The following MTREX variants were observed in gnomAD, a reference collection of about 807,000 sequenced individuals.
MTREX encodes the protein exosome RNA helicase MTR4.
Under a neutral mutation model 135.4 loss-of-function variants are expected in MTREX, and 76 were observed. That is an observed-to-expected ratio of 0.56 (90% CI 0.47 to 0.68). MTREX has a LOEUF of 0.68. Ranked by LOEUF, MTREX falls within the 30% of genes least tolerant of loss-of-function variation. The pLI is 0.00. For synonymous variants in MTREX, 404 were observed against 401.6 expected (o/e 1.01, Z -0.07); for missense variants, 920 against 1,262.1 (o/e 0.73, Z 4.11).
chr5:55,347,564 T>C (rs186758914), intron 11 of MTREX, among the ~76,000 whole-genome samples: 21 of 152,352 alleles, frequency 1.4e-4, no homozygotes, highest in Non-Finnish European at 2.5e-4. Flanking sequence ...TTTGCTTAAC[T>C]ATTTTGTAAT....
intron 18 of MTREX, among the ~76,000 whole-genome samples, chr5:55,380,643 A>G (rs1487518803): frequency 6.6e-6 from 1 of 152,072 alleles, no homozygotes; most frequent in Non-Finnish European, 1.5e-5. Flanking sequence ...GTCATGATAT[A>G]TTATTTTCTT....
At chr5:55,372,451 T>A (rs1423605660) in intron 16 of MTREX, among the ~76,000 whole-genome samples, 1 of 151,494 alleles carries the variant, frequency 6.6e-6, no homozygotes, top group East Asian at 1.9e-4. Flanking sequence ...CTGTTTACCA[T>A]GAGCTATACT....
chr5:55,406,536 C>T (rs1422050607), intron 22 of MTREX, among the ~76,000 whole-genome samples: 4 of 152,130 alleles, frequency 2.6e-5, no homozygotes, highest in African/African-American at 9.7e-5. Flanking sequence ...TATCATACAC[C>T]ATCATTTCCA....
At chr5:55,314,362 T>C (rs763261687) in intron 1 of MTREX, among the ~76,000 whole-genome samples, 6 of 152,228 alleles carry the variant, frequency 3.9e-5, no homozygotes, top group Admixed American at 2.6e-4. Flanking sequence ...ATGGAGTTCA[T>C]GCTGCTAATC....
Position 55,378,351 on chromosome 5 carries a change from A to G in MTREX, c.1848A>G (p.Val616=), listed in dbSNP as rs752084056. The change falls in exon 17 of 27, where the codon GTA becomes GTG. Residue 616 remains valine (V), a synonymous_variant. Coordinates refer to ENST00000230640, the MANE Select transcript of MTREX (RefSeq NM_015360.5). ...CAGAAGAACAGTATAATAAAATAGTAATTCCCAATGAAGAAAGTGTGGTTA... is the reference window on the plus strand; with the variant it reads ...CAGAAGAACAGTATAATAAAATAGTGATTCCCAATGAAGAAAGTGTGGTTA... ...KNSEEQYNKI[V]IPNEESVVIY... 1.2e-6 allele frequency: 2 copies of G among 1,607,590 alleles called. No homozygotes were observed. Among genetic ancestry groups the G allele is most frequent in the South Asian group, 1.1e-5 (1 of 88,808 alleles).
chr5:55,420,927 T>G (rs1462991200), intron 25 of MTREX, among the ~76,000 whole-genome samples: 1 of 152,200 alleles, frequency 6.6e-6, no homozygotes, highest in East Asian at 1.9e-4. Flanking sequence ...GTAACTGACT[T>G]GTATACTTTA....
chr5:55,367,442 C>T (rs1408612098), intron 16 of MTREX, among the ~76,000 whole-genome samples: 2 of 150,120 alleles, frequency 1.3e-5, no homozygotes, highest in Non-Finnish European at 3.0e-5. Flanking sequence ...GCCAAGATTG[C>T]ACCACTGCAC....
In MTREX at chr5:55,397,407, T is replaced by C. The variant is rs765889568; in HGVS notation, c.2182-9T>C. On this transcript the variant is annotated splice_polypyrimidine_tract_variant and intron_variant, in intron 19 of 26. Coordinates refer to ENST00000230640, the MANE Select transcript of MTREX (RefSeq NM_015360.5). Reference sequence around the variant, plus strand: ...TTAACTGTAATACTGTATAACTTTTTGGTCATAGGTTGTCCCAGTTTTGGT... The same window carrying C: ...TTAACTGTAATACTGTATAACTTTTCGGTCATAGGTTGTCCCAGTTTTGGT... The C allele has an allele frequency of 8.9e-6, 14 of 1,580,212 alleles. No individual in the cohort carries two copies. The highest frequency in any genetic ancestry group is 8.5e-5 in the Admixed American group (5 of 58,584).
chr5:55,405,696 G>A (rs1750793584), intron 22 of MTREX, 108 bp downstream of exon 22: 2 of 878,772 alleles, frequency 2.3e-6, no homozygotes, highest in African/African-American at 3.4e-5. Context: ...AGGCTGGAGT[G>A]CACTGGCGCA....
At chr5:55,371,691 T>C (rs1750206158) in intron 16 of MTREX, among the ~76,000 whole-genome samples, 1 of 152,228 alleles carries the variant, frequency 6.6e-6, no homozygotes, top group Non-Finnish European at 1.5e-5. Context: ...CATTAATTTA[T>C]GTATTTGTTT....
At chr5:55,316,289 G>T (rs1422707281) in intron 1 of MTREX, among the ~76,000 whole-genome samples, 1 of 152,078 alleles carries the variant, frequency 6.6e-6, no homozygotes, top group Non-Finnish European at 1.5e-5. Context: ...TATTATGTGA[G>T]GCCAGCATCA....
intron 11 of MTREX, among the ~76,000 whole-genome samples, chr5:55,347,473 T>C (rs1352484528): frequency 1.3e-5 from 2 of 152,218 alleles, no homozygotes; most frequent in Non-Finnish European, 2.9e-5. Flanking sequence ...AGGGTAGGTC[T>C]CATAGCTTGG....
chr5:55,317,885 A>G (rs1275893048), intron 1 of MTREX, among the ~76,000 whole-genome samples: 2 of 152,246 alleles, frequency 1.3e-5, no homozygotes, highest in East Asian at 1.9e-4. Flanking sequence ...GCATTTGACA[A>G]AGGTCTAATA....
chr5:55,366,737 C>T lies in MTREX; in HGVS notation c.1672C>T (p.Pro558Ser), dbSNP rs1750111249. Reference protein sequence around the residue: ...GKQLLKGSADPLNSAFHLTYN... With the variant: ...GKQLLKGSADSLNSAFHLTYN... Reference sequence around the variant, plus strand: ...TTTTCTCTCTTAGGGCTCCGCTGATCCTCTAAATAGTGCTTTCCATTTGAC... The same window carrying T: ...TTTTCTCTCTTAGGGCTCCGCTGATTCTCTAAATAGTGCTTTCCATTTGAC... Residue 558 changes from proline to serine, a missense_variant, in exon 16 of 27, where the codon CCT (proline) becomes TCT (serine). This residue lies in a region of MTREX where 467 missense variants were observed against 589.7 expected (regional missense o/e 0.79). Coordinates refer to ENST00000230640, the MANE Select transcript of MTREX (RefSeq NM_015360.5). The T allele has an allele frequency of 6.3e-7, 1 of 1,588,158 alleles. No homozygotes were observed. Among genetic ancestry groups the T allele is most frequent in the Admixed American group, 1.8e-5 (1 of 56,104 alleles).
At chr5:55,366,057 T>C (rs1750099044) in intron 15 of MTREX, among the ~76,000 whole-genome samples, 2 of 152,116 alleles carry the variant, frequency 1.3e-5, no homozygotes, top group African/African-American at 4.8e-5. Context: ...AGGAACTATT[T>C]TGGGTATAAA....
intron 25 of MTREX, among the ~76,000 whole-genome samples, chr5:55,419,093 C>G (rs1751016233): frequency 6.6e-6 from 1 of 152,208 alleles, no homozygotes; most frequent in African/African-American, 2.4e-5. Flanking sequence ...GATCCACCTG[C>G]TTCAGCCTCC....
At chr5:55,308,981 TTAA>T (rs1749045606) in intron 1 of MTREX, among the ~76,000 whole-genome samples, 2 of 152,102 alleles carry the variant, frequency 1.3e-5, no homozygotes, top group Non-Finnish European at 2.9e-5. Context: ...CAGGTACCCA[TTAA>T]AGAGTTACAG....
chr5:55,352,564 CT>C (rs368830944), intron 13 of MTREX, among the ~76,000 whole-genome samples: 44 of 152,268 alleles, frequency 2.9e-4, no homozygotes, highest in African/African-American at 9.4e-4. Flanking sequence ...TATACTACCC[CT>C]ATTATATAAT....
intron 6 of MTREX, among the ~76,000 whole-genome samples, chr5:55,340,683 G>A (rs1464345780): frequency 5.9e-5 from 9 of 152,264 alleles, no homozygotes; most frequent in South Asian, 2.1e-4. Context: ...CTGGGTTCAC[G>A]CCATTCTCCT....
Sources: allele counts gnomAD v4.1 joint callset (sites outside exome capture counted in the v4.1 genomes callset), GRCh38; gene constraint gnomAD v4.1.1; regional missense constraint gnomAD v4.1.1; transcripts MANE v1.5; gene names NCBI Gene and HGNC (gene_info 2026-07-23, HGNC 2026-07-21).